Variants in CSGALNACT1 observed in about 807,000 individuals in gnomAD.
CSGALNACT1 encodes chondroitin sulfate N-acetylgalactosaminyltransferase 1.
Under a neutral mutation model 51.0 loss-of-function variants are expected in CSGALNACT1, and 52 were observed. The observed-to-expected ratio is 1.02, with a 90% CI of 0.82 to 1.29. The LOEUF is 1.29. Among genes scored for constraint, CSGALNACT1 ranks in the 50% most tolerant of loss-of-function variants. The pLI is 0.00. For synonymous variants in CSGALNACT1, 341 were observed against 254.4 expected, an observed-to-expected ratio of 1.34 and a Z score of -3.24; for missense variants, 935 against 679.2, an observed-to-expected ratio of 1.38 and a Z score of -4.19.
chr8:19,446,688 A>G (rs2062176183), intron 5 of CSGALNACT1, among the ~76,000 whole-genome samples: 1 of 151,800 alleles, frequency 6.6e-6, no homozygotes, highest in African/African-American at 2.4e-5. Flanking sequence ...TAATTTTTGT[A>G]TTTTCAGTGG....
chr8:19,659,908 C>G (rs2058615991), intron 1 of CSGALNACT1, among the ~76,000 whole-genome samples: 1 of 152,206 alleles, frequency 6.6e-6, no homozygotes, highest in South Asian at 2.1e-4. Flanking sequence ...GGCAGCAAAT[C>G]ATGGCAAAAA....
chr8:19,675,133 GTCATGGAGCTA>G (rs1423227512), intron 1 of CSGALNACT1, among the ~76,000 whole-genome samples: 1 of 152,218 alleles, frequency 6.6e-6, no homozygotes, highest in Non-Finnish European at 1.5e-5. Flanking sequence ...GGTATTTAAA[GTCATGGAGCTA>G]TCATGGTAAG....
intron 8 of CSGALNACT1, among the ~76,000 whole-genome samples, chr8:19,417,453 AAAC>A (rs1168383008): frequency 6.6e-6 from 1 of 152,196 alleles, no homozygotes; most frequent in African/African-American, 2.4e-5. Flanking sequence ...ATGGGGCTGG[AAAC>A]AACAGGTTTT....
chr8:19,545,866 T>C (rs1392868411), intron 3 of CSGALNACT1, among the ~76,000 whole-genome samples: 2 of 148,440 alleles, frequency 1.3e-5, no homozygotes, highest in African/African-American at 4.9e-5. Context: ...CTATATATTA[T>C]ATATAAGTTA....
intron 1 of CSGALNACT1, among the ~76,000 whole-genome samples, chr8:19,669,800 T>G (rs1002722567): frequency 6.6e-6 from 1 of 152,196 alleles, no homozygotes; most frequent in Non-Finnish European, 1.5e-5. Flanking sequence ...CAGAAGCCAT[T>G]TCTAATGTTG....
At chr8:19,492,964 G>A (rs2074681833) in intron 4 of CSGALNACT1, among the ~76,000 whole-genome samples, 1 of 151,394 alleles carries the variant, frequency 6.6e-6, no homozygotes, top group Non-Finnish European at 1.5e-5. Context: ...GCATATTTGT[G>A]TCTTCCATGA....
chr8:19,630,237 TG>T (rs1400793365), intron 1 of CSGALNACT1, among the ~76,000 whole-genome samples: 3 of 133,214 alleles, frequency 2.3e-5, no homozygotes, highest in Non-Finnish European at 4.9e-5. Flanking sequence ...TGTGTGTGTG[TG>T]TGTGTATGTG....
chr8:19,590,808 C>A (rs1277290316), intron 3 of CSGALNACT1, among the ~76,000 whole-genome samples: 1 of 151,950 alleles, frequency 6.6e-6, no homozygotes, highest in Non-Finnish European at 1.5e-5. Flanking sequence ...CACCACCACA[C>A]CTGGCTAATT....
At position 19,435,243 on chromosome 8, in the gene CSGALNACT1, C is replaced by T. The variant is rs149758137; in HGVS notation, c.953+4587G>A. On this transcript the variant is annotated intron_variant, in intron 6 of 9. Transcript: ENST00000454498. ...GGCGCGGTTGCTCACGCCTGTAATC[C>T]CAGGACTTTGGGAGGCCGAGGTGGG... 5.1e-3 allele frequency among the ~76,000 whole-genome samples: 776 copies of T among 152,218 alleles called. 13 individuals carry two copies. The highest frequency in any genetic ancestry group is 0.03 in the Admixed American group (460 of 15,282).
chr8:19,513,434 C>CTA (rs1353825526), intron 3 of CSGALNACT1, among the ~76,000 whole-genome samples: 157 of 66,544 alleles, frequency 2.4e-3, no homozygotes, highest in Middle Eastern at 0.016. Flanking sequence ...CTCTCTCTCT[C>CTA]TCTATATATA....
intron 1 of CSGALNACT1, among the ~76,000 whole-genome samples, chr8:19,672,978 A>G (rs893448815): frequency 1.6e-4 from 25 of 152,244 alleles, no homozygotes; most frequent in African/African-American, 5.8e-4. Context: ...CACTGCTTCT[A>G]GAAGTCTCAA....
At chr8:19,542,464 C>T (rs1043622637) in intron 3 of CSGALNACT1, among the ~76,000 whole-genome samples, 3 of 152,138 alleles carry the variant, frequency 2.0e-5, no homozygotes, top group African/African-American at 7.2e-5. Flanking sequence ...GTCTCCCAGT[C>T]CCAGAGCCCT....
chr8:19,587,742 A>G (rs187545008), intron 3 of CSGALNACT1: 1 of 152,284 alleles, frequency 6.6e-6, no homozygotes, highest in East Asian at 1.9e-4. Context: ...TCTCCAACCT[A>G]CGGGGCCTGG....
intron 4 of CSGALNACT1, among the ~76,000 whole-genome samples, chr8:19,465,651 AG>A (rs2066497643): frequency 6.6e-6 from 1 of 152,212 alleles, no homozygotes; most frequent in South Asian, 2.1e-4. Flanking sequence ...CTCAATGCAA[AG>A]CCGTCTCTCT....
Position 19,677,082 on chromosome 8 carries a change from A to C in CSGALNACT1, c.-544+5391T>G, listed in dbSNP as rs1171088301. Among the ~76,000 whole-genome samples the C allele has an allele frequency of 2.6e-5, 4 of 151,344 alleles. No individual in the cohort carries two copies. In the East Asian group the frequency reaches 7.7e-4, roughly 29 times the overall value. ...TAAAAGGGAAGAAAGAATGCACCAG[A>C]AGCTAAACAGAGGTGGCTTTGAGAA... is the stretch of plus-strand genomic sequence containing the variant. On this transcript the variant is annotated intron_variant, in intron 1 of 9. Coordinates refer to the CSGALNACT1 transcript ENST00000332246.
intron 1 of CSGALNACT1, among the ~76,000 whole-genome samples, chr8:19,653,715 G>A (rs2058026271): frequency 6.6e-6 from 1 of 151,906 alleles, no homozygotes; most frequent in Non-Finnish European, 1.5e-5. Context: ...GATTGCTTAA[G>A]CCCAGGGGAT....
intron 2 of CSGALNACT1, 45 bp downstream of exon 2, chr8:19,601,726 C>G (rs1020258204): frequency 2.3e-6 from 1 of 435,448 alleles, no homozygotes; most frequent in Non-Finnish European, 4.6e-6. Flanking sequence ...GAACACAAAG[C>G]AGACCATGCA....
chr8:19,508,921 T>C (rs1446803473), intron 3 of CSGALNACT1, among the ~76,000 whole-genome samples: 1 of 152,250 alleles, frequency 6.6e-6, no homozygotes, highest in African/African-American at 2.4e-5. Flanking sequence ...AGATCTAGTT[T>C]GGCTTTTGAA....
At chr8:19,546,971 A>G (rs1214247905) in intron 3 of CSGALNACT1, among the ~76,000 whole-genome samples, 7 of 152,222 alleles carry the variant, frequency 4.6e-5, no homozygotes, top group Non-Finnish European at 1.0e-4. Flanking sequence ...TGAATCATCC[A>G]TCAGATGCGT....
Sources: gnomAD v4.1 joint callset for allele counts (sites outside exome capture counted in the v4.1 genomes callset) on GRCh38, gnomAD v4.1.1 for gene constraint, MANE v1.5 for transcripts, NCBI Gene and HGNC (gene_info 2026-07-23, HGNC 2026-07-21) for gene names.